Variants in CADM2 observed in about 807,000 individuals in gnomAD.
The protein encoded by CADM2 is immunoglobulin superfamily member 4D.
In CADM2, 12 loss-of-function variants were observed where a neutral mutation model predicts 49.8. The ratio of observed to expected loss-of-function variants is 0.24; its 90% CI spans 0.15 to 0.39. The LOEUF is 0.39. CADM2 is among the 10% of genes least tolerant of loss of function. The pLI, the probability that CADM2 is intolerant of heterozygous loss-of-function variation, is 1.00. For synonymous variants in CADM2, 214 were observed against 175.4 expected, an observed-to-expected ratio of 1.22 and a Z score of -1.74; for missense variants, 378 against 492.3, an observed-to-expected ratio of 0.77 and a Z score of 2.20.
At chr3:85,580,153 GAAATGT>G (rs1395470837) in intron 1 of CADM2, among the ~76,000 whole-genome samples, 1 of 152,012 alleles carries the variant, frequency 6.6e-6, no homozygotes, top group Non-Finnish European at 1.5e-5. Context: ...AGGAAACTTC[GAAATGT>G]AAGTTATTTA....
At chr3:85,008,212 G>C (rs1053384599) in intron 1 of CADM2, among the ~76,000 whole-genome samples, 1 of 152,098 alleles carries the variant, frequency 6.6e-6, no homozygotes, top group African/African-American at 2.4e-5. Flanking sequence ...TCTATTTATA[G>C]CTAACTATCG....
At chr3:85,421,226 A>C (rs915234618) in intron 1 of CADM2, among the ~76,000 whole-genome samples, 1 of 152,166 alleles carries the variant, frequency 6.6e-6, no homozygotes, top group Non-Finnish European at 1.5e-5. Context: ...CTTTCAGTAC[A>C]TTCTTTGTTA....
chr3:85,059,429 G>A (rs896902308), intron 1 of CADM2, among the ~76,000 whole-genome samples: 2 of 152,002 alleles, frequency 1.3e-5, no homozygotes, highest in African/African-American at 2.4e-5. Context: ...TTTCTCTGTG[G>A]ATATTTTATT....
At chr3:84,990,598 A>T (rs927564081) in intron 1 of CADM2, among the ~76,000 whole-genome samples, 16 of 152,006 alleles carry the variant, frequency 1.1e-4, no homozygotes, top group Admixed American at 1.0e-3. Flanking sequence ...TATTAAAGTT[A>T]CTTTTACAGT....
chr3:85,268,748 C>T lies in CADM2; in HGVS notation c.61+309080C>T, dbSNP rs1040285175. ...TATGACTTCAAGCCTGGTGATTTATCTCTACCATGTTTCCAGAATTACTTG... is the reference window on the plus strand; with the variant it reads ...TATGACTTCAAGCCTGGTGATTTATTTCTACCATGTTTCCAGAATTACTTG... On this transcript the variant is annotated intron_variant, in intron 1 of 9. Transcript: ENST00000383699. Among the ~76,000 whole-genome samples, 3 of 151,464 alleles carry T rather than the reference C, an allele frequency of 2.0e-5. No homozygotes were observed. The East Asian group carries it at 5.8e-4, about 29-fold the overall frequency.
chr3:85,365,198 A>ATTTTTTTTTTTT (rs1491587351), intron 1 of CADM2, among the ~76,000 whole-genome samples: 1 of 48,652 alleles, frequency 2.1e-5, no homozygotes, highest in East Asian at 8.6e-4. Context: ...TTTTTTTTTT[A>ATTTTTTTTTTTT]CTTTTTTTTT....
At position 86,070,124 on chromosome 3, in the gene CADM2, G is replaced by A. The variant is rs1739728114; in HGVS notation, c.*3341G>A. 6.6e-6 allele frequency: 1 copy of A among 151,928 alleles called. No individual in the cohort carries two copies. Among genetic ancestry groups the A allele is most frequent in the Non-Finnish European group, 1.5e-5 (1 of 67,848 alleles). 9.4% of individuals were successfully genotyped at this position (151,928 alleles called of 1,614,324 possible). ...GGATGATCTCATATTGATTCATGATGCTTAATCTTTCATTGAAACTCCACA... is the reference window on the plus strand; with the variant it reads ...GGATGATCTCATATTGATTCATGATACTTAATCTTTCATTGAAACTCCACA... On this transcript the variant is annotated 3_prime_UTR_variant, in exon 10 of 10. Coordinates refer to ENST00000383699, the MANE Select transcript of CADM2 (RefSeq NM_001167675.2).
intron 1 of CADM2, among the ~76,000 whole-genome samples, chr3:85,213,063 A>T (rs1040494594): frequency 1.3e-5 from 2 of 151,650 alleles, no homozygotes; most frequent in African/African-American, 2.4e-5. Context: ...TTGAATTTTT[A>T]GTAGAGACGG....
intron 1 of CADM2, among the ~76,000 whole-genome samples, chr3:85,509,341 A>G (rs1327782881): frequency 6.6e-6 from 1 of 152,158 alleles, no homozygotes; most frequent in African/African-American, 2.4e-5. Flanking sequence ...CAGCCAGCAC[A>G]TCATTTTGGA....
At chr3:85,653,186 T>C (rs9309986) in intron 1 of CADM2, among the ~76,000 whole-genome samples, 26,516 of 151,060 alleles carry the variant, frequency 0.18, 2,928 homozygotes, top group Non-Finnish European at 0.24. Context: ...AATCACACTT[T>C]GGGTAGCAAA....
At chr3:85,474,266 T>G (rs1576620147) in intron 1 of CADM2, among the ~76,000 whole-genome samples, 1 of 151,578 alleles carries the variant, frequency 6.6e-6, no homozygotes, top group South Asian at 2.1e-4. Flanking sequence ...CTCTGCAGAG[T>G]AGGCTAGAGA....
chr3:85,738,888 C>T (rs1412467570), intron 2 of CADM2, among the ~76,000 whole-genome samples: 1 of 152,034 alleles, frequency 6.6e-6, no homozygotes, highest in Non-Finnish European at 1.5e-5. Context: ...CTATTCATTA[C>T]CCAAATATTT....
At chr3:85,118,785 T>C (rs1433958925) in intron 1 of CADM2, among the ~76,000 whole-genome samples, 1 of 152,336 alleles carries the variant, frequency 6.6e-6, no homozygotes, top group East Asian at 1.9e-4. Flanking sequence ...GTTTCACTCT[T>C]GTTGACCAGG....
chr3:85,459,889 A>G (rs984420364), intron 1 of CADM2, among the ~76,000 whole-genome samples: 13 of 150,410 alleles, frequency 8.6e-5, no homozygotes, highest in African/African-American at 3.2e-4. Flanking sequence ...TTTTATGTCC[A>G]CCATACATGG....
intron 1 of CADM2, among the ~76,000 whole-genome samples, chr3:85,021,402 A>T (rs775349019): frequency 5.9e-5 from 9 of 152,178 alleles, no homozygotes; most frequent in South Asian, 2.1e-4. Context: ...TATGAAAGGA[A>T]CAGGCATTAT....
At chr3:85,669,473 C>T (rs1332085719) in intron 1 of CADM2, among the ~76,000 whole-genome samples, 2 of 152,178 alleles carry the variant, frequency 1.3e-5, no homozygotes, top group Non-Finnish European at 2.9e-5. Flanking sequence ...AAAAAGTGAA[C>T]ACAATTATAC....
intron 1 of CADM2, among the ~76,000 whole-genome samples, chr3:85,421,036 A>C (rs73847104): frequency 0.012 from 1,755 of 152,290 alleles, 38 homozygotes; most frequent in African/African-American, 0.04. Context: ...CCCAAAGCAC[A>C]GTGTGAATGT....
At chr3:85,955,451 C>A (rs1723936021) in intron 7 of CADM2, among the ~76,000 whole-genome samples, 1 of 151,350 alleles carries the variant, frequency 6.6e-6, no homozygotes, top group Admixed American at 6.6e-5. Flanking sequence ...TACTGAACTT[C>A]TTGTTTTTTA....
chr3:85,843,110 C>T (rs2074712671), intron 3 of CADM2, among the ~76,000 whole-genome samples: 1 of 152,066 alleles, frequency 6.6e-6, no homozygotes, highest in Non-Finnish European at 1.5e-5. Flanking sequence ...TGGAAGCTGC[C>T]ATGGTGCTTA....
Sources: allele counts gnomAD v4.1 joint callset (sites outside exome capture counted in the v4.1 genomes callset), GRCh38; gene constraint gnomAD v4.1.1; transcripts MANE v1.5; gene names NCBI Gene and HGNC (gene_info 2026-07-23, HGNC 2026-07-21).